Variants in SEC23B observed in about 807,000 individuals in gnomAD.
SEC23B encodes SEC23 homolog B, COPII component.
In SEC23B, 77 loss-of-function variants were observed where a neutral mutation model predicts 104.3. That is an observed-to-expected ratio of 0.74 (90% CI 0.61 to 0.89). SEC23B has a LOEUF of 0.89. Ranked by LOEUF, SEC23B falls within the 40% of genes least tolerant of loss-of-function variation. The pLI, the probability that SEC23B is intolerant of heterozygous loss-of-function variation, is 0.00. For missense variants in SEC23B, 885 were observed against 949.4 expected (o/e 0.93, Z 0.89); for synonymous variants, 338 against 332.5 (o/e 1.02, Z -0.18).
At chr20:18,537,642 T>A (rs556652892) in intron 12 of SEC23B, among the ~76,000 whole-genome samples, 1 of 152,080 alleles carries the variant, frequency 6.6e-6, no homozygotes, top group South Asian at 2.1e-4. Context: ...TGCTAAATGA[T>A]GAGTTAATGG....
rs148239360 is a variant in SEC23B, at chr20:18,525,889, G to T, written c.791G>T (p.Arg264Leu). The T allele has an allele frequency of 6.2e-7, 1 of 1,614,066 alleles. No homozygotes were observed. Among genetic ancestry groups the T allele is most frequent in the African/African-American group, 1.3e-5 (1 of 74,914 alleles). ...WPVTQGKRPL[R>L]STGVALSIAV... The stretch of plus-strand genomic sequence containing the variant: ...GTAACTCAGGGGAAGAGACCTTTGC[G>T]ATCCACTGGTGTGGCTTTGTCCATT... The change falls in exon 7 of 20, where the codon CGA (arginine) becomes CTA (leucine). Residue 264 changes from arginine (R) to leucine (L), a missense_variant. Transcript: ENST00000650089.
chr20:18,556,478 C>A (rs767252577), intron 19 of SEC23B, among the ~76,000 whole-genome samples: 3 of 152,160 alleles, frequency 2.0e-5, no homozygotes, highest in African/African-American at 7.2e-5. Context: ...GCTTACTACT[C>A]TTAGGAGTTT....
At chr20:18,557,146 T>C (rs1383605774) in intron 19 of SEC23B, among the ~76,000 whole-genome samples, 1 of 152,204 alleles carries the variant, frequency 6.6e-6, no homozygotes, top group East Asian at 1.9e-4. Flanking sequence ...TGCCATTTTA[T>C]TTTTTGTTTT....
At chr20:18,521,256 G>A (rs1000764430) in intron 4 of SEC23B, among the ~76,000 whole-genome samples, 1 of 152,188 alleles carries the variant, frequency 6.6e-6, no homozygotes, top group Non-Finnish European at 1.5e-5. Context: ...AAGTCCTGTT[G>A]TGGGGTTTAA....
At chr20:18,518,582 G>GTTGTTTTTT (rs2060052778) in intron 4 of SEC23B, among the ~76,000 whole-genome samples, 1 of 92,658 alleles carries the variant, frequency 1.1e-5, no homozygotes, top group African/African-American at 4.2e-5. Flanking sequence ...CTGGAAGGAG[G>GTTGTTTTTT]TTTTTTTTTT....
At chr20:18,513,987 A>G (rs2060003342) in intron 3 of SEC23B, among the ~76,000 whole-genome samples, 1 of 152,190 alleles carries the variant, frequency 6.6e-6, no homozygotes, top group Admixed American at 6.5e-5. Context: ...TCACTTCATG[A>G]GATTATTGTG....
At chr20:18,512,506 G>T (rs751398038) in intron 3 of SEC23B, among the ~76,000 whole-genome samples, 2 of 152,148 alleles carry the variant, frequency 1.3e-5, no homozygotes, top group Non-Finnish European at 2.9e-5. Context: ...GGGAGGGGGT[G>T]TTCATTGAAT....
Position 18,560,183 on chromosome 20 carries a change from C to T in SEC23B, c.2215-468C>T, listed in dbSNP as rs950523214. On this transcript the variant is annotated intron_variant, in intron 19 of 19. Coordinates refer to ENST00000650089, the MANE Select transcript of SEC23B (RefSeq NM_006363.6). ...AAATTGAGGTTTCTATTCAATTTTTCCCATAACATTAATAAAATTATAAGC... is the reference window on the plus strand; with the variant it reads ...AAATTGAGGTTTCTATTCAATTTTTTCCATAACATTAATAAAATTATAAGC... 9.4e-4 allele frequency among the ~76,000 whole-genome samples: 142 copies of T among 151,796 alleles called. 1 individual carries two copies. Among genetic ancestry groups the T allele is most frequent in the East Asian group, 5.6e-3 (29 of 5,174 alleles).
At chr20:18,510,293 TG>T (rs2059970240) in intron 1 of SEC23B, among the ~76,000 whole-genome samples, 1 of 152,212 alleles carries the variant, frequency 6.6e-6, no homozygotes, top group African/African-American at 2.4e-5. Context: ...AGTTTGGAGA[TG>T]ATCAGGTGAT....
At chr20:18,548,517 C>T in intron 15 of SEC23B, 92 bp from the exon 16 acceptor site, 1 of 1,295,304 alleles carries the variant, frequency 7.7e-7, no homozygotes, top group Non-Finnish European at 1.1e-6. Flanking sequence ...TCTGGGTTCT[C>T]CTATTTCAGA....
intron 4 of SEC23B, 67 bp downstream of exon 4, chr20:18,515,803 T>C (rs2060019766): frequency 2.9e-6 from 3 of 1,034,994 alleles, no homozygotes; most frequent in Non-Finnish European, 4.6e-6. Context: ...ATCCTTTGTC[T>C]TCCATGTCTC....
intron 14 of SEC23B, among the ~76,000 whole-genome samples, chr20:18,543,953 G>A (rs971561358): frequency 2.6e-5 from 4 of 152,174 alleles, no homozygotes; most frequent in Admixed American, 6.5e-5. Flanking sequence ...CTCAGCACTG[G>A]GGAGCCACGG....
At position 18,532,745 on chromosome 20, in the gene SEC23B, G is replaced by A; in HGVS notation, c.1314+1G>A. The A allele has an allele frequency of 3.7e-6, 6 of 1,611,060 alleles. No homozygotes were observed. The highest frequency in any genetic ancestry group is 5.1e-6 in the Non-Finnish European group (6 of 1,177,168). ...GAAAGGACCGTGTGTGTCAGAAAAT[G>A]TAAGGAAAACAACTCCATCACCCTC... On this transcript the variant is annotated splice_donor_variant, in intron 11 of 19. Transcript: ENST00000650089. LOFTEE classifies it high-confidence loss of function.
In SEC23B at chr20:18,518,582, G is replaced by GTTTTTTTTTTT. The variant is rs57231166; in HGVS notation, c.366+2859_366+2869dup. Among the ~76,000 whole-genome samples the GTTTTTTTTTTT allele has an allele frequency of 7.2e-4, 67 of 92,668 alleles. 2 individuals are homozygous for GTTTTTTTTTTT. Among genetic ancestry groups the GTTTTTTTTTTT allele is most frequent in the African/African-American group, 1.6e-3 (39 of 23,700 alleles). 60.8% of individuals were successfully genotyped at this position (92,668 alleles called of 152,430 possible). On this transcript the variant is annotated intron_variant, in intron 4 of 19. Coordinates refer to ENST00000650089, the MANE Select transcript of SEC23B (RefSeq NM_006363.6). The stretch of plus-strand genomic sequence containing the variant: ...AATGGGCCTGTGAGGCTGGAAGGAG[G>GTTTTTTTTTTT]TTTTTTTTTTTTTTTTTTTTTTTGT...
intron 4 of SEC23B, among the ~76,000 whole-genome samples, chr20:18,516,644 C>T (rs564426397): frequency 3.3e-5 from 5 of 151,118 alleles, no homozygotes; most frequent in South Asian, 2.1e-4. Flanking sequence ...CTCTGCCTCT[C>T]GGGTTCACGC....
chr20:18,539,415 C>T lies in SEC23B; in HGVS notation c.1405-2881C>T, dbSNP rs1352369013. On this transcript the variant is annotated intron_variant, in intron 12 of 19. Transcript: ENST00000650089. ...GTCCCAGCTACTTGGGAGACTGAGGCAGGAGAATGGCATGAACCCAGGAGG... is the reference window on the plus strand; with the variant it reads ...GTCCCAGCTACTTGGGAGACTGAGGTAGGAGAATGGCATGAACCCAGGAGG... Among the ~76,000 whole-genome samples, 257 of 141,506 alleles carry T rather than the reference C, an allele frequency of 1.8e-3. 1 individual carries two copies. Among genetic ancestry groups the T allele is most frequent in the Non-Finnish European group, 2.7e-3 (181 of 66,274 alleles). 92.8% of individuals were successfully genotyped at this position (141,506 alleles called of 152,430 possible).
At chr20:18,524,321 C>G in intron 4 of SEC23B, 112 bp from the exon 5 acceptor site, 1 of 821,688 alleles carries the variant, frequency 1.2e-6, no homozygotes, top group Non-Finnish European at 2.2e-6. Context: ...TCCTTATCTC[C>G]TAAAACTAAA....
rs398035473 is a variant in SEC23B, at chr20:18,508,716, C to CTTTTTTTTTTTTTTTTTTTTTTT, written c.-15+765_-15+766insTTTTTTTTTTTTTTTTTTTTTTT. 6.2e-5 allele frequency among the ~76,000 whole-genome samples: 6 copies of CTTTTTTTTTTTTTTTTTTTTTTT among 97,488 alleles called. 1 individual carries two copies. Among genetic ancestry groups the CTTTTTTTTTTTTTTTTTTTTTTT allele is most frequent in the African/African-American group, 2.5e-4 (6 of 24,280 alleles). 64.0% of individuals were successfully genotyped at this position (97,488 alleles called of 152,430 possible). A position where few individuals can be genotyped will look rare whatever the true frequency, so the allele number is the denominator to read the frequency against. On this transcript the variant is annotated intron_variant, in intron 1 of 19. Transcript: ENST00000650089. ...AACCATTAGATGGAGGCAGTAGCTT[C>CTTTTTTTTTTTTTTTTTTTTTTT]TTTTTTTTTTTTTTTTTTTTTGAGA...
At chr20:18,513,631 A>G (rs2060000168) in intron 3 of SEC23B, among the ~76,000 whole-genome samples, 1 of 152,252 alleles carries the variant, frequency 6.6e-6, no homozygotes, top group South Asian at 2.1e-4. Context: ...CTAGTGATGA[A>G]GAGGACAGTG....
Sources: allele counts gnomAD v4.1 joint callset (sites outside exome capture counted in the v4.1 genomes callset), GRCh38; gene constraint gnomAD v4.1.1; transcripts MANE v1.5; gene names NCBI Gene and HGNC (gene_info 2026-07-23, HGNC 2026-07-21).